The following RHOU variants were observed in gnomAD, a reference collection of about 807,000 sequenced individuals.
The protein encoded by RHOU is ras homolog family member U.
RHOU carries 8 observed loss-of-function variants against 12.6 expected under a neutral mutation model. The ratio of observed to expected loss-of-function variants is 0.64; its 90% confidence interval spans 0.37 to 1.15. RHOU has a LOEUF of 1.15. Among genes scored for constraint, RHOU ranks in the 50% most tolerant of loss-of-function variants. The probability of loss-of-function intolerance (pLI) is 0.01; values close to 1 mark genes in which losing one functional copy is unlikely to be tolerated. For synonymous variants in RHOU, 161 were observed against 147.4 expected (o/e 1.09, Z -0.67); for missense variants, 258 against 347.0 (o/e 0.74, Z 2.04).
At chr1:228,736,274 A>AC (rs1379557681) in intron 1 of RHOU, among the ~76,000 whole-genome samples, 1 of 151,962 alleles carries the variant, frequency 6.6e-6, no homozygotes. Context: ...AAAAAAAAAA[A>AC]AAAAAATCTC....
the RHOU span, among the ~76,000 whole-genome samples, chr1:228,705,782 G>A: frequency 2.0e-5 from 3 of 152,154 alleles, no homozygotes; most frequent in South Asian, 2.1e-4. Flanking sequence ...GGTGGGTCAC[G>A]CCTATAATCC....
chr1:228,696,906 GA>G, the RHOU span, among the ~76,000 whole-genome samples: 1 of 152,126 alleles, frequency 6.6e-6, no homozygotes, highest in Admixed American at 6.5e-5. Context: ...CATTATTGAT[GA>G]GATTAATAAG....
chr1:228,654,493 A>C, the RHOU span, among the ~76,000 whole-genome samples: 4 of 152,232 alleles, frequency 2.6e-5, no homozygotes, highest in African/African-American at 9.6e-5. Flanking sequence ...AATCAGAGAC[A>C]TTAAAACTGC....
upstream of RHOU, among the ~76,000 whole-genome samples, chr1:228,734,118 T>C (rs1349885227): frequency 6.6e-6 from 1 of 152,142 alleles, no homozygotes; most frequent in African/African-American, 2.4e-5. Flanking sequence ...CATGGCCTCT[T>C]CAAAGTCACT....
Position 228,735,859 on chromosome 1 carries a change from G to C in RHOU, c.117G>C (p.Arg39=). 1 of 1,410,580 alleles carries C rather than the reference G, an allele frequency of 7.1e-7. No homozygotes were observed. Among genetic ancestry groups the C allele is most frequent in the Non-Finnish European group, 9.2e-7 (1 of 1,084,138 alleles). The allele number at this position is 1,410,580 out of a possible 1,614,324, so 87.4% of individuals were successfully genotyped here. ...GGRGPGEPGG[R]GRAGGAEGRG... Reference sequence around the variant, plus strand: ...GCGGGCCTGGGGAGCCGGGGGGCCGGGGGCGTGCGGGGGGTGCCGAGGGGC... The same window carrying C: ...GCGGGCCTGGGGAGCCGGGGGGCCGCGGGCGTGCGGGGGGTGCCGAGGGGC... The change falls in exon 1 of 3, where the codon CGG becomes CGC. Residue 39 remains arginine (R), a synonymous_variant. Coordinates refer to ENST00000366691, the MANE Select transcript of RHOU (RefSeq NM_021205.6). This position sits in a 1 kb window ranked among gnomAD's most constrained non-coding sequence, Gnocchi z 8.1.
the RHOU span, among the ~76,000 whole-genome samples, chr1:228,707,446 C>T: frequency 4.6e-5 from 7 of 151,130 alleles, no homozygotes; most frequent in South Asian, 6.3e-4. Flanking sequence ...TCTCCCAGCA[C>T]GCAGCTGGAG....
the RHOU span, among the ~76,000 whole-genome samples, chr1:228,709,094 A>G: frequency 3.3e-5 from 5 of 152,156 alleles, no homozygotes; most frequent in Non-Finnish European, 7.4e-5. Context: ...GGATCAATTC[A>G]ACAAGAAGAG....
intron 2 of RHOU, among the ~76,000 whole-genome samples, chr1:228,740,601 A>G (rs12065058): frequency 0.5 from 76,261 of 152,098 alleles, 20,835 homozygotes; most frequent in African/African-American, 0.74. Flanking sequence ...ATACATTTTA[A>G]GGGACTTGCT....
chr1:228,646,591 G>T, the RHOU span, among the ~76,000 whole-genome samples: 2 of 130,392 alleles, frequency 1.5e-5, no homozygotes, highest in Admixed American at 8.0e-5. Context: ...CGGCCGGGGG[G>T]GCAAGAGGGC....
At chr1:228,653,137 C>T in the RHOU span, among the ~76,000 whole-genome samples, 3 of 152,232 alleles carry the variant, frequency 2.0e-5, no homozygotes, top group South Asian at 6.2e-4. Flanking sequence ...ATTTGGCTAC[C>T]TAGCCTCAAG....
the RHOU span, among the ~76,000 whole-genome samples, chr1:228,687,103 C>T: frequency 6.6e-6 from 1 of 152,130 alleles, no homozygotes; most frequent in African/African-American, 2.4e-5. Context: ...GGATAGAGTA[C>T]ACAAAACTCA....
the RHOU span, among the ~76,000 whole-genome samples, chr1:228,707,115 T>C: frequency 3.8e-3 from 348 of 92,330 alleles, 7 homozygotes; most frequent in African/African-American, 0.029. Flanking sequence ...CATATATATA[T>C]ATATATATAT....
the RHOU span, among the ~76,000 whole-genome samples, chr1:228,681,315 T>C: frequency 1.3e-5 from 2 of 151,950 alleles, no homozygotes; most frequent in African/African-American, 4.8e-5. Context: ...AGAAGGGTTA[T>C]AGGGTGAGGG....
At chr1:228,656,185 G>T in the RHOU span, among the ~76,000 whole-genome samples, 6 of 151,562 alleles carry the variant, frequency 4.0e-5, no homozygotes, top group African/African-American at 1.2e-4. Context: ...GTTTTGTTTG[G>T]CTCTGTTGCC....
At chr1:228,676,770 C>T in the RHOU span, among the ~76,000 whole-genome samples, 1 of 151,840 alleles carries the variant, frequency 6.6e-6, no homozygotes, top group African/African-American at 2.4e-5. Context: ...AGTACATTCT[C>T]AAGGGTGGGG....
At chr1:228,739,171 GA>G (rs1001942621) in intron 2 of RHOU, among the ~76,000 whole-genome samples, 14 of 152,162 alleles carry the variant, frequency 9.2e-5, no homozygotes, top group South Asian at 2.1e-4. Context: ...TTCTAGCACT[GA>G]ATCTTTCTGA....
Position 228,735,554 on chromosome 1 carries a change from C to G in RHOU, c.-189C>G. The G allele has an allele frequency of 3.0e-6, 1 of 335,160 alleles. No individual in the cohort carries two copies. Among genetic ancestry groups the G allele is most frequent in the Non-Finnish European group, 5.2e-6 (1 of 194,094 alleles). The allele number at this position is 335,160 out of a possible 1,614,324, so 20.8% of individuals were successfully genotyped here. A position where few individuals can be genotyped will look rare whatever the true frequency, so the allele number is the denominator to read the frequency against. On this transcript the variant is annotated 5_prime_UTR_variant, in exon 1 of 3. Transcript: ENST00000366691. This position sits in a 1 kb window ranked among gnomAD's most constrained non-coding sequence, Gnocchi z 8.1. ...GGCAGAGCGGCTGGCGCCGCCGGAG[C>G]GCGGAGCCACGACCCTCCCTGGCCG...
At chr1:228,690,118 A>G in the RHOU span, among the ~76,000 whole-genome samples, 1 of 152,108 alleles carries the variant, frequency 6.6e-6, no homozygotes. Flanking sequence ...TCTCTGTACT[A>G]CTTGCTGTAA....
At chr1:228,736,070 G>GCGCGAGGGT (rs1253995916) in intron 1 of RHOU, 66 bp downstream of exon 1, 17 of 1,505,818 alleles carry the variant, frequency 1.1e-5, no homozygotes, top group Admixed American at 4.0e-5. Context: ...AAGGAAGGTG[G>GCGCGAGGGT]CGCGAGGGTC....
Sources: gnomAD v4.1 joint callset for allele counts (sites outside exome capture counted in the v4.1 genomes callset) on GRCh38, gnomAD v4.1.1 for gene constraint, Gnocchi (gnomAD v3.1) non-coding constraint, MANE v1.5 for transcripts, NCBI Gene and HGNC (gene_info 2026-07-23, HGNC 2026-07-21) for gene names.